Variants in MAP2K5 observed in about 807,000 individuals in gnomAD.
MAP2K5 encodes the protein mitogen-activated protein kinase kinase 5, also known as dual specificity mitogen-activated protein kinase kinase 5.
Under a neutral mutation model 83.1 loss-of-function variants are expected in MAP2K5, and 49 were observed. The ratio of observed to expected loss-of-function variants is 0.59; its 90% confidence interval spans 0.47 to 0.75. The LOEUF (loss-of-function observed/expected upper bound fraction) is 0.75. MAP2K5 is among the 30% of genes least tolerant of loss of function. The pLI is 0.00. For missense variants in MAP2K5, 457 were observed against 557.5 expected (o/e 0.82, Z 1.82); for synonymous variants, 202 against 191.8 (o/e 1.05, Z -0.44).
Position 67,543,324 on chromosome 15 carries a change from C to T in MAP2K5, c.-12C>T, listed in dbSNP as rs1185138266. Reference sequence around the variant, plus strand: ...TTCCCATACCCCAGGATGTGAGCCTCTTTAACCTGTAATGCTGTGGCTAGC... The same window carrying T: ...TTCCCATACCCCAGGATGTGAGCCTTTTTAACCTGTAATGCTGTGGCTAGC... On this transcript the variant is annotated 5_prime_UTR_variant, in exon 1 of 22. Coordinates refer to ENST00000178640, the MANE Select transcript of MAP2K5 (RefSeq NM_145160.3). This position sits in a 1 kb window ranked among gnomAD's most constrained non-coding sequence, Gnocchi z 4.3. The T allele has an allele frequency of 6.2e-7, 1 of 1,614,208 alleles. No individual in the cohort carries two copies. Among genetic ancestry groups the T allele is most frequent in the East Asian group, 2.2e-5 (1 of 44,884 alleles).
intron 8 of MAP2K5, among the ~76,000 whole-genome samples, chr15:67,606,262 A>C (rs1230500174): frequency 6.6e-6 from 1 of 152,192 alleles, no homozygotes; most frequent in Non-Finnish European, 1.5e-5. Flanking sequence ...CCTTAATGCC[A>C]GTTATTCAAG....
At chr15:67,596,358 G>A (rs918058169) in intron 7 of MAP2K5, among the ~76,000 whole-genome samples, 3 of 152,016 alleles carry the variant, frequency 2.0e-5, no homozygotes, top group Admixed American at 6.6e-5. Context: ...AGGTTGCGGT[G>A]AGCCAAGACT....
At chr15:67,700,744 A>C (rs2088396068) in intron 15 of MAP2K5, among the ~76,000 whole-genome samples, 1 of 152,052 alleles carries the variant, frequency 6.6e-6, no homozygotes, top group Non-Finnish European at 1.5e-5. Flanking sequence ...AGACACGTGG[A>C]GCTTGCTGTT....
At chr15:67,721,746 T>C (rs953280170) in intron 16 of MAP2K5, among the ~76,000 whole-genome samples, 2 of 152,198 alleles carry the variant, frequency 1.3e-5, no homozygotes, top group African/African-American at 4.8e-5. Context: ...AAAATAAGCA[T>C]AAATTGAAAT....
intron 11 of MAP2K5, among the ~76,000 whole-genome samples, chr15:67,657,070 A>G (rs577842598): frequency 1.8e-4 from 27 of 152,208 alleles, no homozygotes; most frequent in Non-Finnish European, 3.2e-4. Context: ...ATTTAGCCAT[A>G]TGGATAGTTA....
rs1469362340 is a variant in MAP2K5 at position 67,783,881 on chromosome 15, A to G, written c.1242+11129A>G. Among the ~76,000 whole-genome samples the G allele has an allele frequency of 1.3e-5, 2 of 152,196 alleles. No homozygotes were observed. The highest frequency in any genetic ancestry group is 6.5e-5 in the Admixed American group (1 of 15,278). The stretch of plus-strand genomic sequence containing the variant: ...TGCACACAGATGTGAAAGGCAGCTT[A>G]TATCATAAGTAAAAGTACCAGAGCC... On this transcript the variant is annotated intron_variant, in intron 21 of 21. Transcript: ENST00000178640. This position sits in a 1 kb window ranked among gnomAD's most constrained non-coding sequence, Gnocchi z 5.1.
rs2086603997 is a variant in MAP2K5, at chr15:67,636,370, T to G, written c.585+5443T>G. Among the ~76,000 whole-genome samples, 1 of 150,674 alleles carries G rather than the reference T, an allele frequency of 6.6e-6. No individual in the cohort carries two copies. Among genetic ancestry groups the G allele is most frequent in the South Asian group, 2.1e-4 (1 of 4,778 alleles). ...TTGCAGTGAGCCAAGATTGCGCCAC[T>G]GCACTCCAGCCTGGGCAACAGAATA... On this transcript the variant is annotated intron_variant, in intron 9 of 21. Coordinates refer to ENST00000178640, the MANE Select transcript of MAP2K5 (RefSeq NM_145160.3). The surrounding 1 kb of genome is among the most constrained non-coding windows in gnomAD (Gnocchi z 4.7).
intron 21 of MAP2K5, among the ~76,000 whole-genome samples, chr15:67,795,012 C>T (rs968907544): frequency 6.6e-6 from 1 of 152,262 alleles, no homozygotes; most frequent in Non-Finnish European, 1.5e-5. Context: ...ACCTTGCCAG[C>T]CACCACCATT....
At chr15:67,734,035 A>T (rs912608498) in intron 17 of MAP2K5, among the ~76,000 whole-genome samples, 1 of 152,188 alleles carries the variant, frequency 6.6e-6, no homozygotes, top group African/African-American at 2.4e-5. Context: ...CATTTGTTTG[A>T]TTTGGGAGCT....
intron 11 of MAP2K5, among the ~76,000 whole-genome samples, chr15:67,650,056 G>A (rs1596721901): frequency 6.6e-6 from 1 of 151,972 alleles, no homozygotes; most frequent in Non-Finnish European, 1.5e-5. Context: ...GGTATAAGTG[G>A]TAACTATTTG....
chr15:67,643,147 G>A (rs1479177265), intron 9 of MAP2K5, among the ~76,000 whole-genome samples: 2 of 152,006 alleles, frequency 1.3e-5, no homozygotes, highest in Non-Finnish European at 2.9e-5. Flanking sequence ...ATGAGGCCAG[G>A]GTTGAGAACC....
At chr15:67,643,013 G>A (rs1234026448) in intron 9 of MAP2K5, among the ~76,000 whole-genome samples, 1 of 152,040 alleles carries the variant, frequency 6.6e-6, no homozygotes, top group Non-Finnish European at 1.5e-5. Flanking sequence ...TTTGGGTTAG[G>A]AATTACCTGG....
rs920742253 is a variant in MAP2K5 at position 67,738,804 on chromosome 15, T to C, written c.1075-9427T>C. 9.2e-5 allele frequency among the ~76,000 whole-genome samples: 14 copies of C among 152,184 alleles called. No individual in the cohort carries two copies. Among genetic ancestry groups the C allele is most frequent in the African/African-American group, 3.4e-4 (14 of 41,442 alleles). On this transcript the variant is annotated intron_variant, in intron 17 of 21. Transcript: ENST00000178640. This position sits in a 1 kb window ranked among gnomAD's most constrained non-coding sequence, Gnocchi z 4.1. Reference sequence around the variant, plus strand: ...TATTTCGTAAACAGAGTCTGAAAAATGCTGGACAGGATATTTCTATGGTCT... The same window carrying C: ...TATTTCGTAAACAGAGTCTGAAAAACGCTGGACAGGATATTTCTATGGTCT...
chr15:67,671,947 A>C (rs2087550582), intron 13 of MAP2K5, among the ~76,000 whole-genome samples: 1 of 151,448 alleles, frequency 6.6e-6, no homozygotes, highest in Admixed American at 6.6e-5. Flanking sequence ...TTTACTGAGA[A>C]TGATGATTTC....
At chr15:67,606,806 G>A (rs1229524861) in intron 8 of MAP2K5, among the ~76,000 whole-genome samples, 2 of 152,200 alleles carry the variant, frequency 1.3e-5, no homozygotes, top group Non-Finnish European at 2.9e-5. Flanking sequence ...TACATAAATT[G>A]TCTAGTTAAA....
At chr15:67,607,348 C>T (rs1438971615) in intron 8 of MAP2K5, among the ~76,000 whole-genome samples, 1 of 152,176 alleles carries the variant, frequency 6.6e-6, no homozygotes, top group Non-Finnish European at 1.5e-5. Context: ...CTCCTTCTCT[C>T]AGCATTCATT....
intron 11 of MAP2K5, among the ~76,000 whole-genome samples, chr15:67,653,570 A>G (rs983575070): frequency 3.9e-5 from 6 of 152,214 alleles, no homozygotes; most frequent in Non-Finnish European, 5.9e-5. Flanking sequence ...TGCTGGGATT[A>G]CAGGTGTGAG....
chr15:67,661,389 C>T (rs2087235491), intron 12 of MAP2K5, among the ~76,000 whole-genome samples: 1 of 152,098 alleles, frequency 6.6e-6, no homozygotes, highest in African/African-American at 2.4e-5. Context: ...AAAGGAGGTG[C>T]ACTTGACATG....
In MAP2K5 at chr15:67,702,073, G is replaced by A. The variant is rs565970689; in HGVS notation, c.973-1264G>A. On this transcript the variant is annotated intron_variant, in intron 15 of 21. Transcript: ENST00000178640. This position sits in a 1 kb window ranked among gnomAD's most constrained non-coding sequence, Gnocchi z 4.6. Reference sequence around the variant, plus strand: ...ATCATTATGAAGTAGAAGACCCAAAGTACCTAGCCCAGTGTCTGACACTAG... The same window carrying A: ...ATCATTATGAAGTAGAAGACCCAAAATACCTAGCCCAGTGTCTGACACTAG... Among the ~76,000 whole-genome samples, 2 of 152,302 alleles carry A rather than the reference G, an allele frequency of 1.3e-5. No individual in the cohort carries two copies. Among genetic ancestry groups the A allele is most frequent in the Admixed American group, 6.5e-5 (1 of 15,300 alleles).
Sources: allele counts gnomAD v4.1 joint callset (sites outside exome capture counted in the v4.1 genomes callset), GRCh38; gene constraint gnomAD v4.1.1; non-coding constraint Gnocchi (gnomAD v3.1); transcripts MANE v1.5; gene names NCBI Gene and HGNC (gene_info 2026-07-23, HGNC 2026-07-21).